OCA2: variants seen among roughly 807,000 people sequenced by gnomAD.
The protein encoded by OCA2 is OCA2 melanosomal transmembrane protein.
A neutral mutation model predicts 100.2 loss-of-function variants in OCA2; 77 were observed. That is an observed-to-expected ratio of 0.77 (90% CI 0.64 to 0.93). OCA2 has a LOEUF of 0.93. OCA2 is among the 40% of genes least tolerant of loss of function. The pLI is 0.00. For missense variants in OCA2, 1,062 were observed against 1,089.1 expected (o/e 0.98, Z 0.35); for synonymous variants, 432 against 439.2 (o/e 0.98, Z 0.21).
chr15:27,931,590 C>T (rs1267804622), intron 18 of OCA2, among the ~76,000 whole-genome samples: 1 of 152,126 alleles, frequency 6.6e-6, no homozygotes, highest in Non-Finnish European at 1.5e-5. Flanking sequence ...CCAGCCTCAG[C>T]CTCCCAAAGT....
intron 1 of OCA2, among the ~76,000 whole-genome samples, chr15:28,088,592 AAG>A (rs1327086561): frequency 6.6e-6 from 1 of 152,204 alleles, no homozygotes. Context: ...AATAGTACAA[AAG>A]AGAGAAATTT....
intron 14 of OCA2, among the ~76,000 whole-genome samples, chr15:27,981,672 G>A (rs779477257): frequency 1.3e-5 from 2 of 152,168 alleles, no homozygotes; most frequent in Non-Finnish European, 2.9e-5. Context: ...TGTCGTGTGC[G>A]TCAAGCACTT....
rs145256092 is a variant in OCA2 at position 27,898,308 on chromosome 15, C to T, written c.2080-26386G>A. 2.4e-3 allele frequency among the ~76,000 whole-genome samples: 361 copies of T among 152,266 alleles called. 2 individuals are homozygous for T. Among genetic ancestry groups the T allele is most frequent in the African/African-American group, 8.4e-3 (348 of 41,538 alleles). ...ACCCAAATCTCATCTTGAATTGTAACTCCCACAATTCCCACAAGTCATGGG... is the reference window on the plus strand; with the variant it reads ...ACCCAAATCTCATCTTGAATTGTAATTCCCACAATTCCCACAAGTCATGGG... On this transcript the variant is annotated intron_variant, in intron 19 of 23. Coordinates refer to ENST00000354638, the MANE Select transcript of OCA2 (RefSeq NM_000275.3).
chr15:27,951,282 C>T (rs1047558649), intron 18 of OCA2, among the ~76,000 whole-genome samples: 13 of 152,124 alleles, frequency 8.5e-5, no homozygotes, highest in Non-Finnish European at 1.0e-4. Flanking sequence ...CAATGGTGGA[C>T]GGTGGGAGAA....
chr15:27,920,215 A>T (rs533077045), intron 19 of OCA2, among the ~76,000 whole-genome samples: 3 of 152,308 alleles, frequency 2.0e-5, no homozygotes, highest in Admixed American at 1.3e-4. Context: ...ACAAGAGCTT[A>T]CTGCTGTCAC....
At position 27,793,970 on chromosome 15, in the gene OCA2, GGTGGGACTGTGTGTCAC is replaced by G. The variant is rs1330554139; in HGVS notation, c.2433-38515_2433-38499del. ...GCCCCCATCCCACTAGCCGGCACTT[GGTGGGACTGTGTGTCAC>G]TGGGGGCTGGGGAGATGTCAGGGTT... On this transcript the variant is annotated intron_variant, in intron 23 of 23. Transcript: ENST00000354638. Among the ~76,000 whole-genome samples, 4 of 152,324 alleles carry G rather than the reference GGTGGGACTGTGTGTCAC, an allele frequency of 2.6e-5. No individual in the cohort carries two copies. In the East Asian group the frequency reaches 7.7e-4, roughly 29 times the overall value.
chr15:27,843,956 C>T (rs930881979), intron 23 of OCA2, among the ~76,000 whole-genome samples: 1 of 152,180 alleles, frequency 6.6e-6, no homozygotes, highest in East Asian at 1.9e-4. Flanking sequence ...GTTCTGAGAA[C>T]CATCATTGTG....
intron 22 of OCA2, among the ~76,000 whole-genome samples, chr15:27,846,107 T>A (rs1020799810): frequency 6.6e-6 from 1 of 152,068 alleles, no homozygotes; most frequent in African/African-American, 2.4e-5. Context: ...TAGACAGCCA[T>A]GCAGTGTCTG....
intron 23 of OCA2, among the ~76,000 whole-genome samples, chr15:27,831,889 G>A (rs564312087): frequency 6.6e-6 from 1 of 152,140 alleles, no homozygotes; most frequent in Non-Finnish European, 1.5e-5. Context: ...CCAGCAGGGT[G>A]TCTGCATCCT....
intron 19 of OCA2, among the ~76,000 whole-genome samples, chr15:27,894,861 T>G (rs557927054): frequency 6.6e-6 from 1 of 152,352 alleles, no homozygotes; most frequent in South Asian, 2.1e-4. Context: ...TTCTTCAGCC[T>G]GCACCCTACC....
At chr15:27,814,919 GATAGATAGATAGATAGATAGATAGAT>G (rs2034225929) in intron 23 of OCA2, among the ~76,000 whole-genome samples, 5 of 149,880 alleles carry the variant, frequency 3.3e-5, no homozygotes, top group South Asian at 2.1e-4. Flanking sequence ...TAGATAGATA[GATAGATAGATAGATAGATAGATAGAT>G]ACAGAGATAT....
At chr15:27,880,187 C>A (rs1267770568) in intron 19 of OCA2, among the ~76,000 whole-genome samples, 1 of 152,074 alleles carries the variant, frequency 6.6e-6, no homozygotes, top group Non-Finnish European at 1.5e-5. Flanking sequence ...TTTCTGAGAT[C>A]TCTATTCTGT....
chr15:27,739,163 G>A, the OCA2 span, among the ~76,000 whole-genome samples: 1 of 152,128 alleles, frequency 6.6e-6, no homozygotes, highest in Non-Finnish European at 1.5e-5. Flanking sequence ...TGAAAAATGA[G>A]AAGTGGGAAA....
intron 2 of OCA2, among the ~76,000 whole-genome samples, chr15:28,080,119 T>TC (rs943902979): frequency 2.6e-5 from 4 of 152,122 alleles, no homozygotes; most frequent in Admixed American, 2.0e-4. Context: ...CTCATCTGCC[T>TC]CCCCATGCAC....
At chr15:27,902,230 T>C (rs2037976028) in intron 19 of OCA2, among the ~76,000 whole-genome samples, 1 of 152,064 alleles carries the variant, frequency 6.6e-6, no homozygotes, top group Non-Finnish European at 1.5e-5. Flanking sequence ...TTTTTTTCTA[T>C]TTTTAGCAAA....
At chr15:27,849,605 T>C (rs1016574675) in intron 22 of OCA2, among the ~76,000 whole-genome samples, 1 of 151,630 alleles carries the variant, frequency 6.6e-6, no homozygotes, top group Non-Finnish European at 1.5e-5. Context: ...GCAAATGACA[T>C]TTCTAAAACC....
intron 23 of OCA2, among the ~76,000 whole-genome samples, chr15:27,814,694 A>G (rs944181501): frequency 5.3e-5 from 8 of 152,158 alleles, no homozygotes; most frequent in Admixed American, 3.3e-4. Flanking sequence ...CCTGGCCAAC[A>G]TGGCAAAACC....
At chr15:27,952,399 C>T (rs557493993) in intron 17 of OCA2, among the ~76,000 whole-genome samples, 2 of 152,292 alleles carry the variant, frequency 1.3e-5, no homozygotes, top group African/African-American at 2.4e-5. Flanking sequence ...GGGCAGGCCC[C>T]GAGGCACCTC....
intron 2 of OCA2, among the ~76,000 whole-genome samples, chr15:28,056,860 C>T (rs1365113812): frequency 1.3e-5 from 2 of 152,200 alleles, no homozygotes; most frequent in Admixed American, 6.5e-5. Flanking sequence ...GTGTCTCTCT[C>T]GGAGCCAGGC....
Sources: allele counts gnomAD v4.1 joint callset (sites outside exome capture counted in the v4.1 genomes callset), GRCh38; gene constraint gnomAD v4.1.1; transcripts MANE v1.5; gene names NCBI Gene and HGNC (gene_info 2026-07-23, HGNC 2026-07-21).